Variants in MAPRE2 observed in about 807,000 individuals in gnomAD.
The protein encoded by MAPRE2 is microtubule associated protein RP/EB family member 2, also known as microtubule-associated protein RP/EB family member 2.
Under a neutral mutation model 43.2 loss-of-function variants are expected in MAPRE2, and 13 were observed. That is an observed-to-expected ratio of 0.30 (90% confidence interval 0.20 to 0.48). The LOEUF is 0.48. Ranked by LOEUF, MAPRE2 falls within the 20% of genes least tolerant of loss-of-function variation. The pLI, the probability that MAPRE2 is intolerant of heterozygous loss-of-function variation, is 0.99. For missense variants in MAPRE2, 161 were observed against 400.2 expected, an observed-to-expected ratio of 0.40 and a Z score of 5.10; for synonymous variants, 135 against 148.8, an observed-to-expected ratio of 0.91 and a Z score of 0.68.
intron 2 of MAPRE2, among the ~76,000 whole-genome samples, chr18:35,035,184 A>G (rs1425592664): frequency 6.6e-6 from 1 of 152,084 alleles, no homozygotes; most frequent in Non-Finnish European, 1.5e-5. Flanking sequence ...ATGCAGCCAT[A>G]AAAAATGATG....
At chr18:35,001,188 C>T (rs575599061) in intron 1 of MAPRE2, among the ~76,000 whole-genome samples, 1 of 152,130 alleles carries the variant, frequency 6.6e-6, no homozygotes, top group East Asian at 1.9e-4. Context: ...ATAGTGTGAA[C>T]TTAAGGGTAT....
chr18:35,076,557 T>C (rs1907364470), intron 2 of MAPRE2, among the ~76,000 whole-genome samples: 1 of 152,190 alleles, frequency 6.6e-6, no homozygotes, highest in Non-Finnish European at 1.5e-5. Context: ...TAGTTTCATT[T>C]ACCCTGACAG....
intron 1 of MAPRE2, among the ~76,000 whole-genome samples, chr18:35,043,085 G>A (rs1283747616): frequency 6.6e-6 from 1 of 152,150 alleles, no homozygotes; most frequent in African/African-American, 2.4e-5. Flanking sequence ...TCAAGTGCTT[G>A]TTATTCACTT....
At chr18:35,137,339 G>C (rs1910435065) in intron 6 of MAPRE2, among the ~76,000 whole-genome samples, 1 of 152,206 alleles carries the variant, frequency 6.6e-6, no homozygotes, top group African/African-American at 2.4e-5. Flanking sequence ...CCATAGAAAA[G>C]GCCAGCAAAC....
intron 1 of MAPRE2, among the ~76,000 whole-genome samples, chr18:34,981,880 TTTA>T (rs2097016464): frequency 3.0e-5 from 1 of 33,206 alleles, no homozygotes; most frequent in African/African-American, 6.7e-5. Flanking sequence ...TTTTTTTATT[TTTA>T]TTTATTTTTT....
Position 35,048,695 on chromosome 18 carries a change from AT to A in MAPRE2, c.122+7035del, listed in dbSNP as rs1406898158. Reference sequence around the variant, plus strand: ...TAATACTATACGTACACTATACTATATATACTATTATATATAGTGTATATAT... The same window carrying A: ...TAATACTATACGTACACTATACTATAATACTATTATATATAGTGTATATAT... On this transcript the variant is annotated intron_variant, in intron 1 of 6. Transcript: ENST00000300249. Among the ~76,000 whole-genome samples the A allele has an allele frequency of 6.0e-5, 9 of 149,056 alleles. No individual in the cohort carries two copies. In the East Asian group the frequency reaches 1.6e-3, roughly 26 times the overall value.
intron 2 of MAPRE2, chr18:35,070,686 G>T: frequency 6.2e-6 from 1 of 160,164 alleles, no homozygotes; most frequent in Admixed American, 6.4e-5. Context: ...AGGGCTCCAC[G>T]TTGTCCTCAC....
chr18:35,013,272 A>T (rs1291614770), intron 2 of MAPRE2, among the ~76,000 whole-genome samples: 1 of 152,132 alleles, frequency 6.6e-6, no homozygotes, highest in East Asian at 1.9e-4. Flanking sequence ...ACCTGTGGGG[A>T]AGAAGAGTTG....
rs576525353 is a variant in MAPRE2, at chr18:35,004,918, CAAAAAAA to C, written c.-69-565_-69-559del. Among the ~76,000 whole-genome samples, 52 of 86,800 alleles carry C rather than the reference CAAAAAAA, an allele frequency of 6.0e-4. 1 individual carries two copies. Among genetic ancestry groups the C allele is most frequent in the African/African-American group, 2.3e-3 (50 of 22,110 alleles). 56.9% of individuals were successfully genotyped at this position (86,800 alleles called of 152,430 possible). A position where few individuals can be genotyped will look rare whatever the true frequency, so the allele number is the denominator to read the frequency against. On this transcript the variant is annotated intron_variant, in intron 1 of 7. Coordinates refer to the MAPRE2 transcript ENST00000413393. The stretch of plus-strand genomic sequence containing the variant: ...GGGCGACAGAGCGAGACTCCATCTC[CAAAAAAA>C]AAAAAAAAGAAAAGAAAGTAAATTA...
At chr18:35,131,603 C>T (rs1910149794) in intron 5 of MAPRE2, among the ~76,000 whole-genome samples, 1 of 152,166 alleles carries the variant, frequency 6.6e-6, no homozygotes, top group Admixed American at 6.5e-5. Context: ...ACAGCCACCT[C>T]CCAAAGGCCC....
intron 1 of MAPRE2, among the ~76,000 whole-genome samples, chr18:35,046,540 T>C (rs973777191): frequency 2.0e-5 from 3 of 152,156 alleles, no homozygotes; most frequent in Non-Finnish European, 2.9e-5. Flanking sequence ...ATAAAAGCAT[T>C]GAAAAGCAGG....
At chr18:35,104,816 G>C (rs184857950) in intron 4 of MAPRE2, among the ~76,000 whole-genome samples, 73 of 152,178 alleles carry the variant, frequency 4.8e-4, no homozygotes, top group Admixed American at 9.8e-4. Flanking sequence ...GGATTCAGGA[G>C]GTATGTCGGG....
At chr18:34,983,434 C>T (rs1357891410) in intron 1 of MAPRE2, among the ~76,000 whole-genome samples, 1 of 152,118 alleles carries the variant, frequency 6.6e-6, no homozygotes, top group African/African-American at 2.4e-5. Flanking sequence ...AATGTGAACA[C>T]TTGCCTTAAC....
intron 1 of MAPRE2, among the ~76,000 whole-genome samples, chr18:35,042,795 G>A (rs950548994): frequency 4.6e-5 from 7 of 152,010 alleles, no homozygotes; most frequent in East Asian, 1.9e-4. Context: ...TTTTAGAGCC[G>A]TCATCTAAAC....
intron 6 of MAPRE2, among the ~76,000 whole-genome samples, chr18:35,134,755 C>G (rs1208704192): frequency 6.6e-6 from 1 of 152,184 alleles, no homozygotes; most frequent in East Asian, 1.9e-4. Flanking sequence ...TTTTCACCTT[C>G]GAAAGCCTAG....
chr18:35,039,608 T>G (rs992186502), upstream of MAPRE2, among the ~76,000 whole-genome samples: 6 of 152,142 alleles, frequency 3.9e-5, no homozygotes, highest in African/African-American at 1.4e-4. Flanking sequence ...GTAGGGCCCC[T>G]TGTTTGAGAT....
intron 1 of MAPRE2, among the ~76,000 whole-genome samples, chr18:35,053,246 T>C (rs992408293): frequency 2.0e-5 from 3 of 151,870 alleles, no homozygotes; most frequent in African/African-American, 7.3e-5. Flanking sequence ...ATACAAAAAA[T>C]AGCTGGGAGT....
At chr18:35,111,147 CTCT>C (rs1274512652) in intron 4 of MAPRE2, among the ~76,000 whole-genome samples, 1 of 152,130 alleles carries the variant, frequency 6.6e-6, no homozygotes, top group Non-Finnish European at 1.5e-5. Context: ...CTTATTTTCT[CTCT>C]TCTTTAGATT....
At chr18:35,113,376 T>C (rs555221182) in intron 4 of MAPRE2, among the ~76,000 whole-genome samples, 1 of 152,352 alleles carries the variant, frequency 6.6e-6, no homozygotes, top group East Asian at 1.9e-4. Flanking sequence ...CTTTGCTTAC[T>C]GAGGTAGCAT....
Sources: allele counts gnomAD v4.1 joint callset (sites outside exome capture counted in the v4.1 genomes callset), GRCh38; gene constraint gnomAD v4.1.1; transcripts MANE v1.5; gene names NCBI Gene and HGNC (gene_info 2026-07-23, HGNC 2026-07-21).